LIMCH1: variants seen among roughly 807,000 people sequenced by gnomAD.
LIMCH1 encodes LIM and calponin homology domains-containing protein 1.
A neutral mutation model predicts 176.5 loss-of-function variants in LIMCH1; 113 were observed. The ratio of observed to expected loss-of-function variants is 0.64; its 90% CI spans 0.55 to 0.75. The LOEUF (loss-of-function observed/expected upper bound fraction) is 0.75, where lower values mean the gene tolerates loss of function less well. LIMCH1 is among the 30% of genes least tolerant of loss of function. The pLI, the probability that LIMCH1 is intolerant of heterozygous loss-of-function variation, is 0.00. For missense variants in LIMCH1, 1,674 were observed against 1,814.9 expected, an observed-to-expected ratio of 0.92 and a Z score of 1.41; for synonymous variants, 619 against 645.9, an observed-to-expected ratio of 0.96 and a Z score of 0.63.
intron 1 of LIMCH1, among the ~76,000 whole-genome samples, chr4:41,393,983 T>G (rs2057536640): frequency 6.6e-6 from 1 of 152,210 alleles, no homozygotes; most frequent in Non-Finnish European, 1.5e-5. Flanking sequence ...GGGAATAACA[T>G]AAAATATCCT....
At chr4:41,569,295 C>T (rs879838309) in intron 1 of LIMCH1, among the ~76,000 whole-genome samples, 7 of 152,036 alleles carry the variant, frequency 4.6e-5, no homozygotes, top group Non-Finnish European at 1.0e-4. Context: ...CCAGACTTAC[C>T]CACTCAGCCA....
In LIMCH1 at chr4:41,644,549, C is replaced by G. The variant is rs757047436; in HGVS notation, c.2176C>G (p.Pro726Ala). The change falls in exon 15 of 32, where the codon CCG (proline) becomes GCG (alanine). Residue 726 changes from proline to alanine, a missense_variant. Coordinates refer to ENST00000503057, the MANE Select transcript of LIMCH1 (RefSeq NM_001330672.2). ...MRCEEEAAVQ[P>A]HSRARQEQLQ... ...GTGTGAGGAGGAGGCCGCGGTGCAG[C>G]CGCACAGCAGGGCCCGCCAGGAGCA... is the stretch of plus-strand genomic sequence containing the variant. 11 of 1,603,542 alleles carry G rather than the reference C, an allele frequency of 6.9e-6. No homozygotes were observed. Among genetic ancestry groups the G allele is most frequent in the Non-Finnish European group, 8.5e-6 (10 of 1,175,334 alleles).
intron 6 of LIMCH1, 135 bp downstream of exon 6, chr4:41,619,575 C>T (rs2092405326): frequency 8.5e-7 from 1 of 1,177,204 alleles, no homozygotes; most frequent in Admixed American, 2.4e-5. Context: ...GTGGGTGGGA[C>T]AGATCTTTGG....
chr4:41,585,898 C>G (rs1044601324), intron 1 of LIMCH1, among the ~76,000 whole-genome samples: 2 of 152,138 alleles, frequency 1.3e-5, no homozygotes, highest in Non-Finnish European at 2.9e-5. Flanking sequence ...ATGTTATACT[C>G]CCTATTCAGT....
intron 23 of LIMCH1, among the ~76,000 whole-genome samples, chr4:41,678,125 C>T (rs1712494507): frequency 6.6e-6 from 1 of 152,004 alleles, no homozygotes; most frequent in African/African-American, 2.4e-5. Context: ...GTGGTATTCC[C>T]CTCCCTGTGT....
Position 41,512,563 on chromosome 4 carries a change from T to A in LIMCH1, c.168-11846T>A, listed in dbSNP as rs567054570. Among the ~76,000 whole-genome samples the A allele has an allele frequency of 3.9e-5, 6 of 152,286 alleles. 1 individual carries two copies. Among genetic ancestry groups the A allele is most frequent in the African/African-American group, 1.4e-4 (6 of 41,556 alleles). On this transcript the variant is annotated intron_variant, in intron 2 of 26. Coordinates refer to the LIMCH1 transcript ENST00000313860. ...GGTATATCCTTGCAATGCAATATTA[T>A]TTGGCTATAAAAAGGAATAAAGCAT...
intron 17 of LIMCH1, among the ~76,000 whole-genome samples, chr4:41,648,129 G>A (rs2094139595): frequency 6.6e-6 from 1 of 152,132 alleles, no homozygotes; most frequent in Non-Finnish European, 1.5e-5. Flanking sequence ...CCTTCACCTA[G>A]GGCCTATGAT....
intron 1 of LIMCH1, among the ~76,000 whole-genome samples, chr4:41,423,233 CTT>C (rs1261234604): frequency 6.6e-6 from 1 of 152,146 alleles, no homozygotes; most frequent in African/African-American, 2.4e-5. Context: ...TATGTTCTGG[CTT>C]GAAGCTATAA....
rs2071685524 is a variant in LIMCH1, at chr4:41,494,443, GTACACACACA to G, written c.97-82_97-73del. On this transcript the variant is annotated intron_variant, in intron 1 of 26. Transcript: ENST00000313860. ...TATACACATACATAGTTATATATAT[GTACACACACA>G]TACACACACACATATATATATGATT... is the stretch of plus-strand genomic sequence containing the variant. 5 of 801,208 alleles carry G rather than the reference GTACACACACA, an allele frequency of 6.2e-6. No individual in the cohort carries two copies. In the South Asian group the frequency reaches 8.1e-5, roughly 13 times the overall value. 49.6% of individuals were successfully genotyped at this position (801,208 alleles called of 1,614,324 possible).
chr4:41,536,483 T>G (rs2077965526), upstream of LIMCH1, among the ~76,000 whole-genome samples: 1 of 152,214 alleles, frequency 6.6e-6, no homozygotes, highest in Non-Finnish European at 1.5e-5. Flanking sequence ...TGATATCTAA[T>G]TTTTCCTTTC....
chr4:41,650,694 T>C lies in LIMCH1; in HGVS notation c.3036+86T>C. ...TTTAAAAATAAGTAGGTCATGATAATGACCATTTCTTTCTATGTTGGCGTA... is the reference window on the plus strand; with the variant it reads ...TTTAAAAATAAGTAGGTCATGATAACGACCATTTCTTTCTATGTTGGCGTA... On this transcript the variant is annotated intron_variant, in intron 18 of 31. Coordinates refer to ENST00000503057, the MANE Select transcript of LIMCH1 (RefSeq NM_001330672.2). 4 of 1,128,016 alleles carry C rather than the reference T, an allele frequency of 3.5e-6. No individual in the cohort carries two copies. The South Asian group carries it at 6.3e-5, about 18-fold the overall frequency. The allele number at this position is 1,128,016 out of a possible 1,614,324, so 69.9% of individuals were successfully genotyped here.
In LIMCH1 at chr4:41,666,552, A is replaced by G. The variant is rs2094833465; in HGVS notation, c.3292-9A>G. The G allele has an allele frequency of 2.5e-6, 4 of 1,591,256 alleles. No individual in the cohort carries two copies. The highest frequency in any genetic ancestry group is 1.3e-5 in the African/African-American group (1 of 74,452). ...CTTGCAATATTTATACCTGTTTTCCATTGTCCAGGTGGTAAAGCCAAAATC... is the reference window on the plus strand; with the variant it reads ...CTTGCAATATTTATACCTGTTTTCCGTTGTCCAGGTGGTAAAGCCAAAATC... On this transcript the variant is annotated splice_polypyrimidine_tract_variant and intron_variant, in intron 20 of 31. Coordinates refer to ENST00000503057, the MANE Select transcript of LIMCH1 (RefSeq NM_001330672.2).
intron 1 of LIMCH1, among the ~76,000 whole-genome samples, chr4:41,596,056 A>T (rs183722026): frequency 4.2e-4 from 61 of 144,668 alleles, no homozygotes; most frequent in Middle Eastern, 3.4e-3. Context: ...CTCAAAAAAA[A>T]AAAAATAAAA....
At chr4:41,499,250 C>T (rs866204106) in intron 2 of LIMCH1, among the ~76,000 whole-genome samples, 3 of 152,170 alleles carry the variant, frequency 2.0e-5, no homozygotes, top group African/African-American at 7.2e-5. Context: ...TCCATATACC[C>T]TGCACCTCAC....
At position 41,659,331 on chromosome 4, in the gene LIMCH1, A is replaced by G. The variant is rs151090715; in HGVS notation, c.3037-2089A>G. Among the ~76,000 whole-genome samples the G allele has an allele frequency of 5.9e-4, 90 of 152,322 alleles. 3 individuals are homozygous for G. In the East Asian group the frequency reaches 0.017, roughly 29 times the overall value. On this transcript the variant is annotated intron_variant, in intron 18 of 31. Coordinates refer to ENST00000503057, the MANE Select transcript of LIMCH1 (RefSeq NM_001330672.2). ...AATATTATGTTCTTCCAGAATTGAT[A>G]CATGACTATCTGTCATTAGAAAATG...
intron 1 of LIMCH1, among the ~76,000 whole-genome samples, chr4:41,400,488 A>G (rs892450322): frequency 3.9e-5 from 6 of 152,206 alleles, no homozygotes; most frequent in Admixed American, 3.9e-4. Flanking sequence ...GGCAATTTGC[A>G]CTGCATGCAA....
chr4:41,366,335 C>G (rs2052979922), intron 1 of LIMCH1, among the ~76,000 whole-genome samples: 1 of 152,124 alleles, frequency 6.6e-6, no homozygotes, highest in Non-Finnish European at 1.5e-5. Context: ...AATCAGTTAA[C>G]ACTGGTTGAT....
At chr4:41,496,022 C>T (rs890645357) in intron 2 of LIMCH1, among the ~76,000 whole-genome samples, 2 of 152,126 alleles carry the variant, frequency 1.3e-5, no homozygotes, top group African/African-American at 4.8e-5. Context: ...GATGCAAGCT[C>T]AGTGGATGCA....
chr4:41,619,387 C>T lies in LIMCH1; in HGVS notation c.405C>T (p.Tyr135=), dbSNP rs1295767788. The change falls in exon 6 of 32, where the codon TAC becomes TAT. Residue 135 remains tyrosine (Y), a synonymous_variant. Transcript: ENST00000503057. ...AGAAGAAAGCAGAGAGAGAGGAATA[C>T]CGCAAGAGCTGGAGTACCGCCACCT... ...LRKKKAEREE[Y]RKSWSTATSP... 4 of 1,613,676 alleles carry T rather than the reference C, an allele frequency of 2.5e-6. No individual in the cohort carries two copies. The highest frequency in any genetic ancestry group is 1.7e-5 in the Admixed American group (1 of 60,024).
Sources: gnomAD v4.1 joint callset for allele counts (sites outside exome capture counted in the v4.1 genomes callset) on GRCh38, gnomAD v4.1.1 for gene constraint, MANE v1.5 for transcripts, NCBI Gene and HGNC (gene_info 2026-07-23, HGNC 2026-07-21) for gene names.